The following LHFPL3 variants were observed in gnomAD, a reference collection of about 807,000 sequenced individuals.
LHFPL3 encodes LHFPL tetraspan subfamily member 3 protein.
A neutral mutation model predicts 19.3 loss-of-function variants in LHFPL3; 5 were observed. The ratio of observed to expected loss-of-function variants is 0.26; its 90% CI spans 0.14 to 0.54. The LOEUF (loss-of-function observed/expected upper bound fraction) is 0.54. LHFPL3 is among the 20% of genes least tolerant of loss of function. LHFPL3 has a pLI of 0.94. For missense variants in LHFPL3, 249 were observed against 307.4 expected, an observed-to-expected ratio of 0.81 and a Z score of 1.42; for synonymous variants, 133 against 126.2, an observed-to-expected ratio of 1.05 and a Z score of -0.36.
At chr7:104,834,472 C>T (rs2116570673) in intron 2 of LHFPL3, among the ~76,000 whole-genome samples, 1 of 152,084 alleles carries the variant, frequency 6.6e-6, no homozygotes, top group African/African-American at 2.4e-5. Flanking sequence ...GCCTTCTGAC[C>T]TTAAATATTC....
intron 1 of LHFPL3, among the ~76,000 whole-genome samples, chr7:104,567,610 T>A (rs953689685): frequency 6.6e-6 from 1 of 152,184 alleles, no homozygotes; most frequent in Non-Finnish European, 1.5e-5. Flanking sequence ...CATTCCAGAA[T>A]CACTTTAGTC....
At chr7:104,493,609 T>C (rs1286252080) in intron 1 of LHFPL3, among the ~76,000 whole-genome samples, 1 of 152,190 alleles carries the variant, frequency 6.6e-6, no homozygotes, top group African/African-American at 2.4e-5. Context: ...TTTCCTAGTC[T>C]TGGAGTCAGT....
At chr7:104,557,563 A>G (rs1789872623) in intron 1 of LHFPL3, among the ~76,000 whole-genome samples, 1 of 152,172 alleles carries the variant, frequency 6.6e-6, no homozygotes, top group Non-Finnish European at 1.5e-5. Context: ...ACAATTCAAG[A>G]TGAGATTTGG....
intron 1 of LHFPL3, among the ~76,000 whole-genome samples, chr7:104,488,257 T>A (rs1793274093): frequency 6.6e-6 from 1 of 152,140 alleles, no homozygotes; most frequent in Non-Finnish European, 1.5e-5. Flanking sequence ...TTGGAGTTTC[T>A]CTCCTAGTTT....
At chr7:104,410,345 C>T (rs188523794) in intron 1 of LHFPL3, among the ~76,000 whole-genome samples, 1 of 152,150 alleles carries the variant, frequency 6.6e-6, no homozygotes, top group South Asian at 2.1e-4. Context: ...GTCAGACAGG[C>T]TGGTCTCGAA....
chr7:104,376,373 G>C (rs967110348), intron 1 of LHFPL3, among the ~76,000 whole-genome samples: 7 of 152,142 alleles, frequency 4.6e-5, no homozygotes, highest in Non-Finnish European at 8.8e-5. Context: ...ATAAATAAAG[G>C]GTAGAGAAGT....
At chr7:104,417,878 CTTCTTCT>C (rs745810628) in intron 1 of LHFPL3, among the ~76,000 whole-genome samples, 9 of 121,988 alleles carry the variant, frequency 7.4e-5, no homozygotes, top group South Asian at 2.6e-4. Context: ...TCTTCTTCTT[CTTCTTCT>C]TTTTTTTTTT....
At chr7:104,536,230 T>G (rs1296073343) in intron 1 of LHFPL3, among the ~76,000 whole-genome samples, 1 of 152,200 alleles carries the variant, frequency 6.6e-6, no homozygotes, top group Non-Finnish European at 1.5e-5. Context: ...ACATTTAATA[T>G]AGACCCTCAA....
Position 104,523,056 on chromosome 7 carries a change from T to G in LHFPL3, c.445+193832T>G, listed in dbSNP as rs117650028. ...CACACATATGCACATTATATATACA[T>G]ATACACATATATATACACATATGCA... On this transcript the variant is annotated intron_variant, in intron 1 of 2. Coordinates refer to ENST00000424859, the MANE Select transcript of LHFPL3 (RefSeq NM_199000.3). 8.2e-3 allele frequency among the ~76,000 whole-genome samples: 1,232 copies of G among 150,866 alleles called. 9 individuals carry two copies. The highest frequency in any genetic ancestry group is 0.013 in the Non-Finnish European group (890 of 67,836).
intron 1 of LHFPL3, among the ~76,000 whole-genome samples, chr7:104,558,556 T>A (rs986575241): frequency 2.6e-5 from 4 of 151,590 alleles, no homozygotes; most frequent in Non-Finnish European, 1.5e-5. Flanking sequence ...TTTGTTTGAG[T>A]TCATTGTAGA....
At position 104,465,285 on chromosome 7, in the gene LHFPL3, A is replaced by T. The variant is rs117044104; in HGVS notation, c.445+136061A>T. On this transcript the variant is annotated intron_variant, in intron 1 of 2. Transcript: ENST00000424859. ...CCATTTTGATCAAAGCCATTCAACAAGTCACTAGGAAGTTCCAAACTTTTC... is the reference window on the plus strand; with the variant it reads ...CCATTTTGATCAAAGCCATTCAACATGTCACTAGGAAGTTCCAAACTTTTC... Among the ~76,000 whole-genome samples, 1,157 of 152,284 alleles carry T rather than the reference A, an allele frequency of 7.6e-3. 51 individuals carry two copies. In the East Asian group the frequency reaches 0.13, roughly 17 times the overall value.
intron 1 of LHFPL3, among the ~76,000 whole-genome samples, chr7:104,598,153 A>G (rs767974170): frequency 4.6e-5 from 7 of 152,220 alleles, no homozygotes; most frequent in Non-Finnish European, 2.9e-5. Flanking sequence ...TCAATTTTCA[A>G]GCACAAAATT....
intron 2 of LHFPL3, among the ~76,000 whole-genome samples, chr7:104,893,340 T>A (rs968933700): frequency 4.6e-5 from 7 of 150,806 alleles, no homozygotes; most frequent in Non-Finnish European, 8.9e-5. Flanking sequence ...ATGGTGAAAC[T>A]TCATCTCTAC....
chr7:104,646,855 C>T (rs1791944857), intron 1 of LHFPL3, among the ~76,000 whole-genome samples: 1 of 152,154 alleles, frequency 6.6e-6, no homozygotes, highest in South Asian at 2.1e-4. Flanking sequence ...ATACCAGATT[C>T]TGGGTTTAAG....
chr7:104,698,190 T>G (rs1178091967), intron 1 of LHFPL3, among the ~76,000 whole-genome samples: 1 of 152,158 alleles, frequency 6.6e-6, no homozygotes, highest in Non-Finnish European at 1.5e-5. Context: ...TGCCATCCTA[T>G]TGCATAAGAG....
chr7:104,430,046 T>C (rs1179305546), intron 1 of LHFPL3, among the ~76,000 whole-genome samples: 3 of 151,908 alleles, frequency 2.0e-5, no homozygotes, highest in Non-Finnish European at 2.9e-5. Context: ...ATCGTCTGAG[T>C]GTAATAGTGA....
At chr7:104,590,352 GC>G (rs1184987277) in intron 1 of LHFPL3, among the ~76,000 whole-genome samples, 1 of 152,050 alleles carries the variant, frequency 6.6e-6, no homozygotes, top group Non-Finnish European at 1.5e-5. Context: ...CTTTATTTCT[GC>G]CTTCATTTCA....
chr7:104,619,384 C>A (rs972530139), intron 1 of LHFPL3, among the ~76,000 whole-genome samples: 17 of 152,198 alleles, frequency 1.1e-4, no homozygotes, highest in African/African-American at 4.1e-4. Context: ...AATGTAATGC[C>A]AGTGGAACTT....
chr7:104,755,155 T>C (rs1048305179), intron 2 of LHFPL3, among the ~76,000 whole-genome samples: 19 of 152,138 alleles, frequency 1.2e-4, no homozygotes, highest in Non-Finnish European at 1.5e-5. Flanking sequence ...ATGTCTCTCA[T>C]TTTCTTCCTG....
Sources: allele counts gnomAD v4.1 joint callset (sites outside exome capture counted in the v4.1 genomes callset), GRCh38; gene constraint gnomAD v4.1.1; transcripts MANE v1.5; gene names NCBI Gene and HGNC (gene_info 2026-07-23, HGNC 2026-07-21).